Variants in POTEF observed in about 807,000 individuals in gnomAD.
POTEF encodes POTE ankyrin domain family member F, also known as ANKRD26-like family C member 1B.
A neutral mutation model predicts 83.2 loss-of-function variants in POTEF; 20 were observed. The observed-to-expected ratio is 0.24, with a 90% CI of 0.17 to 0.35. The LOEUF (loss-of-function observed/expected upper bound fraction) is 0.35. POTEF is among the 10% of genes least tolerant of loss of function. The pLI, the probability that POTEF is intolerant of heterozygous loss-of-function variation, is 1.00. For synonymous variants in POTEF, 196 were observed against 446.4 expected, an observed-to-expected ratio of 0.44 and a Z score of 7.07; for missense variants, 550 against 1,203.2, an observed-to-expected ratio of 0.46 and a Z score of 8.03.
At chr2:130,126,464 T>C (rs1165292165) in intron 2 of POTEF, among the ~76,000 whole-genome samples, 2 of 152,040 alleles carry the variant, frequency 1.3e-5, no homozygotes, top group African/African-American at 4.8e-5. Context: ...TTGCCACCAA[T>C]ATTTTTATGT....
chr2:130,105,292 A>G (rs552355301), intron 8 of POTEF, among the ~76,000 whole-genome samples: 3 of 151,816 alleles, frequency 2.0e-5, no homozygotes, highest in African/African-American at 4.9e-5. Flanking sequence ...TGAAAAAAGC[A>G]TAACACCAAA....
At chr2:130,122,079 T>C (rs1211751418) in intron 2 of POTEF, among the ~76,000 whole-genome samples, 8 of 150,630 alleles carry the variant, frequency 5.3e-5, no homozygotes, top group African/African-American at 2.0e-4. Flanking sequence ...CATAATAATA[T>C]AGTTACGTGT....
rs774960115 is a variant in POTEF at position 130,112,000 on chromosome 2, A to G, written c.912T>C (p.Tyr304=). 16 of 1,565,140 alleles carry G rather than the reference A, an allele frequency of 1.0e-5. No individual in the cohort carries two copies. The African/African-American group carries it at 1.3e-4, about 12-fold the overall frequency. ...ATTAAAAGAAAGAACTATACCTTCCATATCTATCCAGTGCATTTAAATTCG... is the reference window on the plus strand; with the variant it reads ...ATTAAAAGAAAGAACTATACCTTCCGTATCTATCCAGTGCATTTAAATTCG... The part of the protein sequence containing the change: ...KKANLNALDR[Y]GRTALILAVC... Residue 304 remains tyrosine (Y), a synonymous_variant, in exon 6 of 17, where the codon TAT becomes TAC. Coordinates refer to ENST00000409914, the MANE Select transcript of POTEF (RefSeq NM_001099771.2).
chr2:130,118,145 C>T (rs1479713573), intron 3 of POTEF, among the ~76,000 whole-genome samples: 2 of 151,646 alleles, frequency 1.3e-5, no homozygotes, highest in African/African-American at 4.9e-5. Flanking sequence ...TTTCACCACA[C>T]TGGCCAGGCT....
In POTEF at chr2:130,090,703, T is replaced by C. The variant is rs570661152; in HGVS notation, c.1481-2566A>G. Among the ~76,000 whole-genome samples, 288 of 143,828 alleles carry C rather than the reference T, an allele frequency of 2.0e-3. 4 individuals are homozygous for C. The highest frequency in any genetic ancestry group is 7.1e-3 in the African/African-American group (272 of 38,068). 94.4% of individuals were successfully genotyped at this position (143,828 alleles called of 152,430 possible). A position where few individuals can be genotyped will look rare whatever the true frequency, so the allele number is the denominator to read the frequency against. On this transcript the variant is annotated intron_variant, in intron 12 of 16. Coordinates refer to ENST00000409914, the MANE Select transcript of POTEF (RefSeq NM_001099771.2). ...ACTGCCAACTATTAATGTTATTTCT[T>C]ACAGGAAAAAAAATTAAGCAAAACA...
chr2:130,128,509 A>C (rs2104716702), intron 1 of POTEF, among the ~76,000 whole-genome samples: 2 of 113,276 alleles, frequency 1.8e-5, no homozygotes, highest in African/African-American at 3.2e-5. Flanking sequence ...CAGCACACCC[A>C]CCACACCCTG....
chr2:130,112,046 T>A lies in POTEF; in HGVS notation c.866A>T (p.Lys289Ile). The A allele has an allele frequency of 7.8e-7, 1 of 1,287,802 alleles. No individual in the cohort carries two copies. The highest frequency in any genetic ancestry group is 1.1e-6 in the Non-Finnish European group (1 of 948,720). The allele number at this position is 1,287,802 out of a possible 1,614,324, so 79.8% of individuals were successfully genotyped here. ...GVHEQKQQVV[K>I]FLIKKKANLN... is the part of the protein sequence containing the mutation. ...ATTCGCTTTTTTCTTAATTAAAAATTTCACGACTTGCTGTTTTTGCTCATG... is the reference window on the plus strand; with the variant it reads ...ATTCGCTTTTTTCTTAATTAAAAATATCACGACTTGCTGTTTTTGCTCATG... The change falls in exon 6 of 17, where the codon AAA becomes ATA. Residue 289 changes from lysine (K) to isoleucine (I), a missense_variant. Physicochemically the swap from Lys to Ile is moderately radical, Grantham distance 102 (BLOSUM62 -3). Coordinates refer to ENST00000409914, the MANE Select transcript of POTEF (RefSeq NM_001099771.2).
In POTEF at chr2:130,110,451, T is replaced by C. The variant is rs75544515; in HGVS notation, c.1055+92A>G. On this transcript the variant is annotated intron_variant, in intron 7 of 16. Transcript: ENST00000409914. ...CACGCGAAAACTACCTGAACCAAACTATGACATCTCACCTGATATGTGAGA... is the reference window on the plus strand; with the variant it reads ...CACGCGAAAACTACCTGAACCAAACCATGACATCTCACCTGATATGTGAGA... 1,462 of 1,571,572 alleles carry C rather than the reference T, an allele frequency of 9.3e-4. 49 individuals are homozygous for C. The African/African-American group carries it at 0.018, about 19-fold the overall frequency.
rs578132280 is a variant in POTEF at position 130,116,247 on chromosome 2, T to A, written c.522-919A>T. Among the ~76,000 whole-genome samples, 26 of 151,512 alleles carry A rather than the reference T, an allele frequency of 1.7e-4. No individual in the cohort carries two copies. In the South Asian group the frequency reaches 5.4e-3, roughly 31 times the overall value. On this transcript the variant is annotated intron_variant, in intron 3 of 16. Transcript: ENST00000409914. ...TGTCAATACTTAGATTTATACAATG[T>A]ATGTACATCAGATATTTCCAATCAT...
At chr2:130,119,354 G>A (rs1214354683) in intron 3 of POTEF, among the ~76,000 whole-genome samples, 1 of 151,762 alleles carries the variant, frequency 6.6e-6, no homozygotes, top group South Asian at 2.1e-4. Flanking sequence ...TTTTAGTAGA[G>A]ACAGGGTTTC....
intron 2 of POTEF, among the ~76,000 whole-genome samples, chr2:130,123,226 C>T (rs1309916002): frequency 6.9e-6 from 1 of 144,124 alleles, no homozygotes; most frequent in African/African-American, 2.6e-5. Flanking sequence ...TTTAATCTAA[C>T]AATTTTTAAA....
chr2:130,087,632 AT>A (rs1450442167), intron 13 of POTEF, among the ~76,000 whole-genome samples: 4 of 103,856 alleles, frequency 3.9e-5, no homozygotes, highest in Non-Finnish European at 8.1e-5. Flanking sequence ...ATCTATTAAA[AT>A]TTTTTTTTTT....
At chr2:130,115,784 GACA>G (rs1684830422) in intron 3 of POTEF, among the ~76,000 whole-genome samples, 1 of 152,090 alleles carries the variant, frequency 6.6e-6, no homozygotes, top group South Asian at 2.1e-4. Context: ...TACCACTAAA[GACA>G]ACATTTGAAT....
intron 7 of POTEF, chr2:130,109,845 T>C (rs1174686664): frequency 6.6e-6 from 1 of 151,908 alleles, no homozygotes. Flanking sequence ...GCGGATAAAG[T>C]CAGGATGCCC....
intron 8 of POTEF, among the ~76,000 whole-genome samples, chr2:130,104,433 A>G (rs1684457525): frequency 6.8e-6 from 1 of 146,706 alleles, no homozygotes; most frequent in African/African-American, 2.6e-5. Flanking sequence ...CCTATACAAA[A>G]AACACTCTTT....
chr2:130,108,536 C>G (rs1338775238), intron 7 of POTEF, among the ~76,000 whole-genome samples: 1 of 150,918 alleles, frequency 6.6e-6, no homozygotes, highest in Non-Finnish European at 1.5e-5. Flanking sequence ...ATGGAATAAT[C>G]TGTTCCTAAA....
intron 7 of POTEF, among the ~76,000 whole-genome samples, chr2:130,108,899 A>G (rs1226759241): frequency 6.6e-6 from 1 of 151,150 alleles, no homozygotes; most frequent in South Asian, 2.1e-4. Flanking sequence ...TGTTAGGATA[A>G]TGCTTTATAT....
rs900081187 is a variant in POTEF, at chr2:130,075,479, T to C, written c.1993A>G (p.Met665Val). The change falls in exon 17 of 17, where the codon ATG (methionine) becomes GTG (valine). Residue 665 changes from methionine (M) to valine (V), a missense_variant. Transcript: ENST00000409914. ...IAMLRLELDT[M>V]KHQSQLREKK... Reference sequence around the variant, plus strand: ...TCTCTTAGCTGGCTCTGATGTTTCATTGTGTCTAGCTCCAGTCTTAGCATG... The same window carrying C: ...TCTCTTAGCTGGCTCTGATGTTTCACTGTGTCTAGCTCCAGTCTTAGCATG... 1.8e-5 allele frequency: 29 copies of C among 1,611,288 alleles called. 1 individual carries two copies. Among genetic ancestry groups the C allele is most frequent in the Admixed American group, 1.3e-4 (8 of 59,912 alleles).
intron 2 of POTEF, among the ~76,000 whole-genome samples, chr2:130,127,090 G>T (rs1685109488): frequency 6.6e-6 from 1 of 151,838 alleles, no homozygotes; most frequent in Non-Finnish European, 1.5e-5. Flanking sequence ...GGGAGGCCAA[G>T]GTGGGTGGAT....
Sources: gnomAD v4.1 joint callset for allele counts (sites outside exome capture counted in the v4.1 genomes callset) on GRCh38, gnomAD v4.1.1 for gene constraint, MANE v1.5 for transcripts, NCBI Gene and HGNC (gene_info 2026-07-23, HGNC 2026-07-21) for gene names.